CALN1: variants seen among roughly 807,000 people sequenced by gnomAD.
CALN1 encodes the protein calneuron 1, also known as calcium-binding protein 8.
In CALN1, 17 loss-of-function variants were observed where a neutral mutation model predicts 30.6. The ratio of observed to expected loss-of-function variants is 0.56; its 90% CI spans 0.38 to 0.83. The LOEUF (loss-of-function observed/expected upper bound fraction) is 0.83, where lower values mean the gene tolerates loss of function less well. Among genes scored for constraint, CALN1 ranks in the 40% least tolerant of loss-of-function variants. The pLI, the probability that CALN1 is intolerant of heterozygous loss-of-function variation, is 0.00. For missense variants in CALN1, 291 were observed against 354.9 expected, an observed-to-expected ratio of 0.82 and a Z score of 1.45; for synonymous variants, 156 against 131.4, an observed-to-expected ratio of 1.19 and a Z score of -1.28.
chr7:71,879,280 AG>A (rs1792430009), intron 5 of CALN1, among the ~76,000 whole-genome samples: 1 of 152,194 alleles, frequency 6.6e-6, no homozygotes, highest in African/African-American at 2.4e-5. Context: ...CTGTCCTCTG[AG>A]TAGGGAACTC....
At chr7:72,163,898 T>C (rs939700986) in intron 3 of CALN1, among the ~76,000 whole-genome samples, 1 of 151,922 alleles carries the variant, frequency 6.6e-6, no homozygotes, top group African/African-American at 2.4e-5. Flanking sequence ...GGCTTCCTGA[T>C]GAATCCATGA....
At chr7:72,487,685 G>GGAAAGAAA in the CALN1 span, among the ~76,000 whole-genome samples, 1 of 99,008 alleles carries the variant, frequency 1.0e-5, no homozygotes, top group Non-Finnish European at 1.9e-5. Flanking sequence ...AAGAAAGAAA[G>GGAAAGAAA]GAAAGAAAGA....
intron 5 of CALN1, among the ~76,000 whole-genome samples, chr7:71,947,318 G>A (rs1407770764): frequency 1.3e-5 from 2 of 152,008 alleles, no homozygotes; most frequent in Non-Finnish European, 2.9e-5. Context: ...GCCAGTGGGA[G>A]TTTTATGTAC....
At chr7:72,318,198 C>T (rs1265004254) in intron 2 of CALN1, among the ~76,000 whole-genome samples, 1 of 152,202 alleles carries the variant, frequency 6.6e-6, no homozygotes, top group Non-Finnish European at 1.5e-5. Flanking sequence ...AACATCTGTT[C>T]AGATATTCTT....
intron 3 of CALN1, among the ~76,000 whole-genome samples, chr7:72,214,878 CT>C (rs1165485565): frequency 6.6e-6 from 1 of 151,664 alleles, no homozygotes; most frequent in Admixed American, 6.6e-5. Context: ...TTGCACACTC[CT>C]TATGAGGATC....
At chr7:71,821,089 G>C (rs1788559575) in intron 5 of CALN1, among the ~76,000 whole-genome samples, 1 of 152,148 alleles carries the variant, frequency 6.6e-6, no homozygotes, top group Non-Finnish European at 1.5e-5. Context: ...GAATAGCCTA[G>C]GATGCAGTAG....
chr7:72,306,597 T>TCC (rs1799667864), intron 2 of CALN1, among the ~76,000 whole-genome samples: 1 of 150,612 alleles, frequency 6.6e-6, no homozygotes. Context: ...TCTAAAGCTT[T>TCC]TAAATAAACT....
chr7:71,979,462 A>G (rs1286066810), intron 5 of CALN1, among the ~76,000 whole-genome samples: 2 of 152,160 alleles, frequency 1.3e-5, no homozygotes, highest in African/African-American at 2.4e-5. Context: ...TAGATCCCTC[A>G]CATGCGCAGT....
chr7:71,817,517 C>A (rs1040437422), intron 5 of CALN1, among the ~76,000 whole-genome samples: 2 of 152,054 alleles, frequency 1.3e-5, no homozygotes, highest in East Asian at 3.9e-4. Flanking sequence ...TTTGTTTATT[C>A]ATTTATTTAT....
intron 3 of CALN1, among the ~76,000 whole-genome samples, chr7:72,149,849 C>T (rs139454718): frequency 0.013 from 2,038 of 152,108 alleles, 23 homozygotes; most frequent in Non-Finnish European, 0.02. Flanking sequence ...CACCGTGGCT[C>T]ATGCCTGTAA....
chr7:71,967,812 C>T (rs1195622518), intron 5 of CALN1, among the ~76,000 whole-genome samples: 1 of 151,682 alleles, frequency 6.6e-6, no homozygotes, highest in East Asian at 1.9e-4. Flanking sequence ...AAACAAAAAC[C>T]ACAATGAGAT....
Position 71,855,755 on chromosome 7 carries a change from C to G in CALN1, c.502-45263G>C, listed in dbSNP as rs73701401. On this transcript the variant is annotated intron_variant, in intron 5 of 6. Coordinates refer to ENST00000395275, the MANE Select transcript of CALN1 (RefSeq NM_031468.4). ...ACCTTACTTATTTCCTATGCCTTCT[C>G]CAAGCCTGACCCACCAGCCTTCCTG... Among the ~76,000 whole-genome samples the G allele has an allele frequency of 5.8e-4, 88 of 152,254 alleles. 1 individual carries two copies. The highest frequency in any genetic ancestry group is 2.0e-3 in the African/African-American group (82 of 41,562).
intron 2 of CALN1, among the ~76,000 whole-genome samples, chr7:72,396,571 T>G (rs561353927): frequency 3.9e-5 from 6 of 152,194 alleles, no homozygotes; most frequent in South Asian, 2.1e-4. Context: ...GGGGAAGAGA[T>G]ATCTGAGCAC....
chr7:71,920,469 G>C (rs551346703), intron 5 of CALN1, among the ~76,000 whole-genome samples: 2 of 150,698 alleles, frequency 1.3e-5, no homozygotes, highest in Non-Finnish European at 2.9e-5. Context: ...CCGAGTAGCT[G>C]AGACTGCAGG....
Position 71,780,762 on chromosome 7 carries a change from AGGCTTTCTCAAAT to A in CALN1, c.*7000_*7012del, listed in dbSNP as rs1424255419. ...GCTCTTTATTCAGTAGCTTTCAGTA[AGGCTTTCTCAAAT>A]GGAGAAACAAGCATCTCTTCTTGGA... On this transcript the variant is annotated 3_prime_UTR_variant, in exon 7 of 7. Coordinates refer to ENST00000395275, the MANE Select transcript of CALN1 (RefSeq NM_031468.4). 6.6e-6 allele frequency: 1 copy of A among 151,932 alleles called. No homozygotes were observed. The highest frequency in any genetic ancestry group is 1.5e-5 in the Non-Finnish European group (1 of 68,004). The allele number at this position is 151,932 out of a possible 1,614,324, so 9.4% of individuals were successfully genotyped here.
chr7:71,985,606 T>G (rs1310767451), intron 5 of CALN1, among the ~76,000 whole-genome samples: 1 of 147,612 alleles, frequency 6.8e-6, no homozygotes, highest in Non-Finnish European at 1.5e-5. Context: ...TTTTTTTTTT[T>G]TGAGATGGAG....
At chr7:72,372,210 A>C (rs887037941) in intron 2 of CALN1, among the ~76,000 whole-genome samples, 1 of 152,116 alleles carries the variant, frequency 6.6e-6, no homozygotes, top group Admixed American at 6.6e-5. Context: ...CAAATAATTC[A>C]TAACAGCAGA....
Position 72,079,761 on chromosome 7 carries a change from C to CTTTTTTTTTTTTT in CALN1, c.388+26377_388+26389dup, listed in dbSNP as rs3065015. Among the ~76,000 whole-genome samples, 362 of 104,028 alleles carry CTTTTTTTTTTTTT rather than the reference C, an allele frequency of 3.5e-3. 15 individuals are homozygous for CTTTTTTTTTTTTT. The highest frequency in any genetic ancestry group is 8.4e-3 in the African/African-American group (210 of 25,050). The allele number at this position is 104,028 out of a possible 152,430, so 68.2% of individuals were successfully genotyped here. A position where few individuals can be genotyped will look rare whatever the true frequency, so the allele number is the denominator to read the frequency against. Reference sequence around the variant, plus strand: ...AAATGCCCAAGAGGTTGCCTTTTTCCTTTTTTTTTTTTTTTTTTTTTTTTT... The same window carrying CTTTTTTTTTTTTT: ...AAATGCCCAAGAGGTTGCCTTTTTCCTTTTTTTTTTTTTTTTTTTTTTTTTTTTTTTTTTTTTT... On this transcript the variant is annotated intron_variant, in intron 4 of 6. Coordinates refer to ENST00000395275, the MANE Select transcript of CALN1 (RefSeq NM_031468.4).
chr7:71,973,012 C>G (rs1584648646), intron 5 of CALN1, among the ~76,000 whole-genome samples: 1 of 151,790 alleles, frequency 6.6e-6, no homozygotes, highest in East Asian at 1.9e-4. Flanking sequence ...AGCCCTCACA[C>G]CATCCCCTCA....
Sources: allele counts gnomAD v4.1 joint callset (sites outside exome capture counted in the v4.1 genomes callset), GRCh38; gene constraint gnomAD v4.1.1; transcripts MANE v1.5; gene names NCBI Gene and HGNC (gene_info 2026-07-23, HGNC 2026-07-21).